The following NMT2 variants were observed in gnomAD, a reference collection of about 807,000 sequenced individuals.
NMT2 encodes glycylpeptide N-tetradecanoyltransferase 2.
In NMT2, 35 loss-of-function variants were observed where a neutral mutation model predicts 65.4. That is an observed-to-expected ratio of 0.54 (90% CI 0.41 to 0.71). The LOEUF is 0.71. NMT2 is among the 30% of genes least tolerant of loss of function. The pLI is 0.00. For synonymous variants in NMT2, 226 were observed against 231.8 expected, an observed-to-expected ratio of 0.98 and a Z score of 0.23; for missense variants, 489 against 611.3, an observed-to-expected ratio of 0.80 and a Z score of 2.11.
intron 1 of NMT2, among the ~76,000 whole-genome samples, chr10:15,150,875 C>G (rs767129251): frequency 6.6e-5 from 10 of 152,166 alleles, no homozygotes; most frequent in Non-Finnish European, 1.3e-4. Flanking sequence ...AGAGAGGAAT[C>G]TTGATGATCC....
chr10:15,158,977 T>C (rs1833097272), intron 1 of NMT2, among the ~76,000 whole-genome samples: 1 of 152,214 alleles, frequency 6.6e-6, no homozygotes, highest in Non-Finnish European at 1.5e-5. Context: ...CTTCAACATA[T>C]GAATTGGCAG....
chr10:15,130,703 C>CAAAAAAAAAAAAAAAAAAAAAAAAAA (rs974360507), intron 6 of NMT2, among the ~76,000 whole-genome samples: 6 of 28,628 alleles, frequency 2.1e-4, no homozygotes, highest in African/African-American at 3.7e-4. Flanking sequence ...GGCCCTGTCT[C>CAAAAAAAAAAAAAAAAAAAAAAAAAA]AAAAAAAAAA....
chr10:15,121,864 G>A (rs1845941156), intron 8 of NMT2, among the ~76,000 whole-genome samples: 1 of 152,192 alleles, frequency 6.6e-6, no homozygotes, highest in African/African-American at 2.4e-5. Context: ...TTATGATGAT[G>A]TCATGTCTAA....
intron 9 of NMT2, among the ~76,000 whole-genome samples, chr10:15,114,022 G>C (rs1202401287): frequency 6.6e-6 from 1 of 152,166 alleles, no homozygotes; most frequent in Non-Finnish European, 1.5e-5. Context: ...CAGCAGAAAA[G>C]GAAATTCCAG....
intron 7 of NMT2, 105 bp downstream of exon 7, chr10:15,130,037 A>C: frequency 8.6e-6 from 7 of 817,586 alleles, no homozygotes; most frequent in Non-Finnish European, 1.2e-5. Context: ...TCTAGGTTCT[A>C]GTCTCCATCT....
intron 1 of NMT2, among the ~76,000 whole-genome samples, chr10:15,166,732 T>C (rs992158376): frequency 3.9e-5 from 6 of 152,204 alleles, no homozygotes; most frequent in Non-Finnish European, 5.9e-5. Flanking sequence ...TTCTAATATA[T>C]AAAATGTGCT....
chr10:15,107,298 T>G lies in NMT2; in HGVS notation c.*1897A>C. ...ACACAAAAATAAGCAATGGGCTGGA[T>G]TTAGCCCACAGGCCATAGTTTGGTG... On this transcript the variant is annotated 3_prime_UTR_variant, in exon 12 of 12. Coordinates refer to ENST00000378165, the MANE Select transcript of NMT2 (RefSeq NM_004808.3). 1.0e-6 allele frequency: 1 copy of G among 959,050 alleles called. No homozygotes were observed. Among genetic ancestry groups the G allele is most frequent in the Non-Finnish European group, 1.2e-6 (1 of 805,864 alleles). The allele number at this position is 959,050 out of a possible 1,614,324, so 59.4% of individuals were successfully genotyped here. A position where few individuals can be genotyped will look rare whatever the true frequency, so the allele number is the denominator to read the frequency against.
rs377150641 is a variant in NMT2, at chr10:15,161,452, A to G, written c.110+7051T>C. ...CTGCAACCTCCACCTCCTGGGTTCA[A>G]GTGATTCTCCTGCCTGCCTCAGCCT... On this transcript the variant is annotated intron_variant, in intron 1 of 11. Coordinates refer to ENST00000378165, the MANE Select transcript of NMT2 (RefSeq NM_004808.3). Among the ~76,000 whole-genome samples, 78 of 152,238 alleles carry G rather than the reference A, an allele frequency of 5.1e-4. 1 individual carries two copies. The highest frequency in any genetic ancestry group is 1.8e-3 in the African/African-American group (74 of 41,530).
intron 1 of NMT2, among the ~76,000 whole-genome samples, chr10:15,143,619 G>A (rs1008306438): frequency 1.3e-5 from 2 of 152,240 alleles, no homozygotes; most frequent in African/African-American, 4.8e-5. Flanking sequence ...CACTTTGGGG[G>A]TCCAAGGCGG....
chr10:15,119,551 G>T (rs750727882), intron 8 of NMT2, 38 bp from the exon 9 acceptor site: 11 of 1,593,268 alleles, frequency 6.9e-6, no homozygotes, highest in Non-Finnish European at 9.5e-6. Context: ...CAGAAGTTCA[G>T]GTAGAAGAGG....
At chr10:15,137,512 AAAATG>A (rs1846555601) in intron 2 of NMT2, among the ~76,000 whole-genome samples, 1 of 152,158 alleles carries the variant, frequency 6.6e-6, no homozygotes, top group Non-Finnish European at 1.5e-5. Flanking sequence ...AATTTCTAGC[AAAATG>A]AAATTCATGT....
chr10:15,111,389 T>G (rs1055261887), intron 10 of NMT2, among the ~76,000 whole-genome samples: 1 of 150,862 alleles, frequency 6.6e-6, no homozygotes, highest in African/African-American at 2.4e-5. Flanking sequence ...CACACACCTA[T>G]AGTCCCAGCT....
intron 8 of NMT2, among the ~76,000 whole-genome samples, chr10:15,122,255 C>A (rs1300798931): frequency 6.6e-6 from 1 of 151,868 alleles, no homozygotes; most frequent in Non-Finnish European, 1.5e-5. Flanking sequence ...AGAGAACATT[C>A]AGAAATGAAA....
intron 2 of NMT2, among the ~76,000 whole-genome samples, chr10:15,139,510 G>A (rs146593479): frequency 1.4e-3 from 214 of 152,230 alleles, no homozygotes; most frequent in African/African-American, 4.8e-3. Flanking sequence ...CTGCAGGTCA[G>A]GGATGCCACG....
chr10:15,148,698 A>G (rs1050601802), intron 1 of NMT2, among the ~76,000 whole-genome samples: 8 of 152,182 alleles, frequency 5.3e-5, no homozygotes, highest in African/African-American at 1.4e-4. Flanking sequence ...TAACTAGAAC[A>G]TAAGATCCAT....
chr10:15,168,038 G>T (rs1258604390), intron 1 of NMT2, among the ~76,000 whole-genome samples: 1 of 152,208 alleles, frequency 6.6e-6, no homozygotes, highest in Non-Finnish European at 1.5e-5. Context: ...ATTCTTTTCG[G>T]GTGGCGGCTG....
chr10:15,168,348 C>T, intron 1 of NMT2, 155 bp downstream of exon 1: 1 of 625,076 alleles, frequency 1.6e-6, no homozygotes, highest in Non-Finnish European at 2.7e-6. Context: ...AGCCGCGCGC[C>T]CCGGACCTCA....
At chr10:15,160,495 C>T (rs905202975) in intron 1 of NMT2, among the ~76,000 whole-genome samples, 1 of 152,146 alleles carries the variant, frequency 6.6e-6, no homozygotes, top group Admixed American at 6.6e-5. Flanking sequence ...AGGAAAGGTG[C>T]CAGGTGCAGT....
intron 2 of NMT2, among the ~76,000 whole-genome samples, chr10:15,140,619 T>G (rs11259514): frequency 0.26 from 39,327 of 148,706 alleles, 7,179 homozygotes; most frequent in African/African-American, 0.53. Context: ...CTGGGCTCAA[T>G]GGATCCTCCC....
Sources: allele counts gnomAD v4.1 joint callset (sites outside exome capture counted in the v4.1 genomes callset), GRCh38; gene constraint gnomAD v4.1.1; transcripts MANE v1.5; gene names NCBI Gene and HGNC (gene_info 2026-07-23, HGNC 2026-07-21).